ADAMTS3: variants seen among roughly 807,000 people sequenced by gnomAD.
ADAMTS3 encodes the protein A disintegrin and metalloproteinase with thrombospondin motifs 3.
A neutral mutation model predicts 129.0 loss-of-function variants in ADAMTS3; 73 were observed. That is an observed-to-expected ratio of 0.57 (90% CI 0.47 to 0.69). The LOEUF (loss-of-function observed/expected upper bound fraction) is 0.69. Ranked by LOEUF, ADAMTS3 falls within the 30% of genes least tolerant of loss-of-function variation. The probability of loss-of-function intolerance (pLI) is 0.00; values close to 1 mark genes in which losing one functional copy is unlikely to be tolerated. For missense variants in ADAMTS3, 1,457 were observed against 1,514.5 expected (o/e 0.96, Z 0.63); for synonymous variants, 477 against 510.8 (o/e 0.93, Z 0.89).
intron 15 of ADAMTS3, 145 bp from the exon 16 acceptor site, chr4:72,306,212 C>A: frequency 1.8e-6 from 1 of 559,646 alleles, no homozygotes; most frequent in Non-Finnish European, 3.1e-6. Context: ...AAATTAACTT[C>A]AAAGCATTGG....
intron 18 of ADAMTS3, among the ~76,000 whole-genome samples, chr4:72,297,250 TGTG>T (rs1718833662): frequency 6.6e-6 from 1 of 152,072 alleles, no homozygotes; most frequent in Non-Finnish European, 1.5e-5. Context: ...AAGGAATAGA[TGTG>T]GTAGATATGA....
At chr4:72,528,304 T>C (rs1412650415) in intron 3 of ADAMTS3, among the ~76,000 whole-genome samples, 1 of 151,984 alleles carries the variant, frequency 6.6e-6, no homozygotes, top group African/African-American at 2.4e-5. Context: ...ATATCTACTA[T>C]TAGGTTGAAC....
intron 3 of ADAMTS3, among the ~76,000 whole-genome samples, chr4:72,416,420 C>G (rs1722306885): frequency 6.6e-6 from 1 of 151,880 alleles, no homozygotes; most frequent in South Asian, 2.1e-4. Context: ...TACAAACAGC[C>G]CTGGAACCTA....
chr4:72,357,131 T>C (rs949496613), intron 4 of ADAMTS3, among the ~76,000 whole-genome samples: 31 of 151,962 alleles, frequency 2.0e-4, no homozygotes, highest in African/African-American at 5.3e-4. Flanking sequence ...CACTGAATGA[T>C]ATTTGGATCA....
intron 3 of ADAMTS3, among the ~76,000 whole-genome samples, chr4:72,450,354 G>A (rs1386273778): frequency 3.3e-5 from 5 of 151,686 alleles, no homozygotes; most frequent in Admixed American, 2.0e-4. Flanking sequence ...TGGCACCATG[G>A]AAGAGCATGC....
rs142937879 is a variant in ADAMTS3, at chr4:72,283,465, G to T, written c.3289C>A (p.Pro1097Thr). 1 of 1,614,038 alleles carries T rather than the reference G, an allele frequency of 6.2e-7. No homozygotes were observed. The highest frequency in any genetic ancestry group is 8.5e-7 in the Non-Finnish European group (1 of 1,179,974). The change falls in exon 22 of 22, where the codon CCT (proline) becomes ACT (threonine). Residue 1097 changes from proline (P) to threonine (T), a missense_variant. Pro to Thr is a conservative substitution (Grantham distance 38). Coordinates refer to ENST00000286657, the MANE Select transcript of ADAMTS3 (RefSeq NM_014243.3). ...TSLVPYHSET[P>T]AKKMSLSSIS... is the part of the protein sequence containing the mutation. ...CTACTCAAAGACATCTTCTTTGCAG[G>T]GGTCTCTGAATGATAAGGAACCAAA...
At chr4:72,319,718 C>T (rs2109807364) in intron 8 of ADAMTS3, 140 bp downstream of exon 8, 2 of 812,052 alleles carry the variant, frequency 2.5e-6, no homozygotes, top group African/African-American at 1.7e-5. Context: ...ATGACCTCTT[C>T]TCTGTTTGCA....
At chr4:72,545,834 C>G (rs967672060) in intron 3 of ADAMTS3, among the ~76,000 whole-genome samples, 1 of 152,166 alleles carries the variant, frequency 6.6e-6, no homozygotes, top group African/African-American at 2.4e-5. Flanking sequence ...AATCAGCCCT[C>G]AAAAACTTTC....
At chr4:72,507,957 A>G (rs569224861) in intron 3 of ADAMTS3, among the ~76,000 whole-genome samples, 3 of 152,242 alleles carry the variant, frequency 2.0e-5, no homozygotes, top group Non-Finnish European at 4.4e-5. Context: ...TAAGTCACAT[A>G]TGCCTCTATT....
chr4:72,491,246 T>A (rs2110014891), intron 3 of ADAMTS3, among the ~76,000 whole-genome samples: 1 of 151,906 alleles, frequency 6.6e-6, no homozygotes, highest in Middle Eastern at 3.4e-3. Flanking sequence ...GTTTCCTGGG[T>A]ATATGATCAT....
chr4:72,467,928 C>A (rs1718964204), intron 3 of ADAMTS3, among the ~76,000 whole-genome samples: 1 of 152,030 alleles, frequency 6.6e-6, no homozygotes, highest in African/African-American at 2.4e-5. Context: ...GAGCAGTCAA[C>A]TAATGTTCAA....
chr4:72,303,838 C>T, intron 17 of ADAMTS3, 79 bp downstream of exon 17: 1 of 1,437,350 alleles, frequency 7.0e-7, no homozygotes. Flanking sequence ...ACTTAATGTT[C>T]AAGGTAAAAG....
At chr4:72,322,034 G>A (rs1719569139) in intron 6 of ADAMTS3, among the ~76,000 whole-genome samples, 1 of 152,096 alleles carries the variant, frequency 6.6e-6, no homozygotes, top group African/African-American at 2.4e-5. Flanking sequence ...TTTTGTTATA[G>A]TTCAGCAAAT....
chr4:72,318,765 T>A (rs553679698), intron 9 of ADAMTS3, 61 bp from the exon 10 acceptor site: 1 of 1,541,252 alleles, frequency 6.5e-7, no homozygotes, highest in East Asian at 2.3e-5. Flanking sequence ...ATGTCCTGAT[T>A]TAAAAAAAAG....
At chr4:72,452,539 GAATCTA>G (rs1326146933) in intron 3 of ADAMTS3, among the ~76,000 whole-genome samples, 1 of 151,700 alleles carries the variant, frequency 6.6e-6, no homozygotes, top group Non-Finnish European at 1.5e-5. Flanking sequence ...GTTAGAACAT[GAATCTA>G]TCAGCAAGGT....
intron 3 of ADAMTS3, among the ~76,000 whole-genome samples, chr4:72,483,428 C>T (rs966074132): frequency 4.6e-5 from 7 of 152,146 alleles, no homozygotes; most frequent in Non-Finnish European, 1.0e-4. Flanking sequence ...AATAATCAGT[C>T]TTATAATAAA....
chr4:72,494,271 TC>T (rs1176611562), intron 3 of ADAMTS3, among the ~76,000 whole-genome samples: 2 of 152,152 alleles, frequency 1.3e-5, no homozygotes, highest in East Asian at 1.9e-4. Flanking sequence ...TCCTTTTTAT[TC>T]TTTGTCCTTC....
chr4:72,565,566 T>C (rs1296880568), intron 2 of ADAMTS3, among the ~76,000 whole-genome samples: 1 of 152,204 alleles, frequency 6.6e-6, no homozygotes, highest in Non-Finnish European at 1.5e-5. Context: ...ATCTATTTTA[T>C]TCAATCTGTT....
intron 2 of ADAMTS3, among the ~76,000 whole-genome samples, chr4:72,563,879 A>G (rs1044244368): frequency 1.3e-5 from 2 of 152,148 alleles, no homozygotes; most frequent in African/African-American, 4.8e-5. Context: ...TAGAGATACA[A>G]TTGGCATCAA....
Sources: gnomAD v4.1 joint callset for allele counts (sites outside exome capture counted in the v4.1 genomes callset) on GRCh38, gnomAD v4.1.1 for gene constraint, MANE v1.5 for transcripts, NCBI Gene and HGNC (gene_info 2026-07-23, HGNC 2026-07-21) for gene names.